FAM135B: variants seen among roughly 807,000 people sequenced by gnomAD.
FAM135B encodes protein FAM135B.
A neutral mutation model predicts 127.7 loss-of-function variants in FAM135B; 43 were observed. The observed-to-expected ratio is 0.34, with a 90% CI of 0.26 to 0.43. FAM135B has a LOEUF of 0.43. Ranked by LOEUF, FAM135B falls within the 20% of genes least tolerant of loss-of-function variation. The pLI is 1.00. For missense variants in FAM135B, 1,558 were observed against 1,725.6 expected (o/e 0.90, Z 1.72); for synonymous variants, 670 against 665.1 (o/e 1.01, Z -0.11).
chr8:138,243,322 T>C lies in FAM135B; in HGVS notation c.543-254A>G, dbSNP rs1052158879. On this transcript the variant is annotated intron_variant, in intron 6 of 19. Transcript: ENST00000395297. The surrounding 1 kb of genome is among the most constrained non-coding windows in gnomAD (Gnocchi z 7.5). ...TGTGCATGTAAATGCCCACCCTAAA[T>C]GCCAACAACATACCTGTAAGAAACA... Among the ~76,000 whole-genome samples the C allele has an allele frequency of 5.3e-5, 8 of 152,172 alleles. No homozygotes were observed. The highest frequency in any genetic ancestry group is 8.8e-5 in the Non-Finnish European group (6 of 68,032).
Position 138,243,059 on chromosome 8 carries a change from A to G in FAM135B, c.552T>C (p.Arg184=), listed in dbSNP as rs377481608. ...ALQQPLISFT[R]PGRGSWLGKG... ...TACCAAGCCAGGAGCCTCTTCCTGGACGAGTAAAACTAAACAAAAGATAAT... is the reference window on the plus strand; with the variant it reads ...TACCAAGCCAGGAGCCTCTTCCTGGGCGAGTAAAACTAAACAAAAGATAAT... Residue 184 remains arginine (R), a synonymous_variant, in exon 7 of 20, where the codon CGT becomes CGC. Coordinates refer to ENST00000395297, the MANE Select transcript of FAM135B (RefSeq NM_015912.4). The surrounding 1 kb of genome is among the most constrained non-coding windows in gnomAD (Gnocchi z 7.5). 72 of 1,606,936 alleles carry G rather than the reference A, an allele frequency of 4.5e-5. No individual in the cohort carries two copies. The highest frequency in any genetic ancestry group is 6.9e-5 in the Admixed American group (4 of 57,860).
chr8:138,358,131 A>G (rs936113139), intron 2 of FAM135B, among the ~76,000 whole-genome samples: 1 of 152,124 alleles, frequency 6.6e-6, no homozygotes, highest in Non-Finnish European at 1.5e-5. Context: ...CATGAAACTT[A>G]TTCACTACCA....
At chr8:138,156,818 C>G (rs1453297876) in intron 12 of FAM135B, among the ~76,000 whole-genome samples, 2 of 152,016 alleles carry the variant, frequency 1.3e-5, no homozygotes, top group Non-Finnish European at 2.9e-5. Flanking sequence ...GCCTACCAAC[C>G]AAAAAAGTCC....
chr8:138,497,612 C>T (rs1194411064), upstream of FAM135B, among the ~76,000 whole-genome samples: 1 of 152,172 alleles, frequency 6.6e-6, no homozygotes, highest in Non-Finnish European at 1.5e-5. Flanking sequence ...GGTAAAAGCG[C>T]TGAGCAACCC....
At chr8:138,373,202 C>T (rs1831254677) in intron 1 of FAM135B, among the ~76,000 whole-genome samples, 1 of 152,078 alleles carries the variant, frequency 6.6e-6, no homozygotes, top group African/African-American at 2.4e-5. Context: ...AAGTCAGGGA[C>T]CCCAAATGGA....
At chr8:138,199,735 A>G (rs1470693078) in intron 7 of FAM135B, among the ~76,000 whole-genome samples, 1 of 152,208 alleles carries the variant, frequency 6.6e-6, no homozygotes, top group Admixed American at 6.5e-5. Flanking sequence ...ACATGGCATG[A>G]GGAGAGAGAA....
At chr8:138,433,815 A>G (rs2131516953) in intron 1 of FAM135B, among the ~76,000 whole-genome samples, 1 of 152,318 alleles carries the variant, frequency 6.6e-6, no homozygotes, top group Admixed American at 6.5e-5. Context: ...GAGAGAAATC[A>G]GAGGTTGGGA....
intron 1 of FAM135B, among the ~76,000 whole-genome samples, chr8:138,371,943 T>A (rs907332310): frequency 6.6e-6 from 1 of 152,184 alleles, no homozygotes; most frequent in African/African-American, 2.4e-5. Flanking sequence ...AAGCACATGA[T>A]GCTTACGAGC....
At chr8:138,441,990 G>C (rs905141058) in intron 1 of FAM135B, among the ~76,000 whole-genome samples, 1 of 151,822 alleles carries the variant, frequency 6.6e-6, no homozygotes, top group African/African-American at 2.4e-5. Flanking sequence ...CACACACCGA[G>C]TGATGCAGAT....
At chr8:138,375,930 G>A (rs184885697) in intron 1 of FAM135B, among the ~76,000 whole-genome samples, 26 of 152,236 alleles carry the variant, frequency 1.7e-4, no homozygotes, top group Admixed American at 1.2e-3. Context: ...GAAGACTGTC[G>A]TCACTTACCC....
chr8:138,300,899 C>T (rs1311136787), intron 3 of FAM135B, among the ~76,000 whole-genome samples: 1 of 151,880 alleles, frequency 6.6e-6, no homozygotes, highest in Non-Finnish European at 1.5e-5. Flanking sequence ...TATAGGCATG[C>T]ACCAACACGC....
At chr8:138,332,710 C>T (rs1026009740) in intron 2 of FAM135B, among the ~76,000 whole-genome samples, 1 of 151,998 alleles carries the variant, frequency 6.6e-6, no homozygotes, top group Non-Finnish European at 1.5e-5. Context: ...GCAGGAAACC[C>T]GGGCAGGATT....
chr8:138,214,012 C>T (rs7464083), intron 7 of FAM135B, among the ~76,000 whole-genome samples: 109,985 of 152,018 alleles, frequency 0.72, 40,001 homozygotes, highest in East Asian at 0.82. Context: ...CCTGTGGTTT[C>T]GTGTTGACCT....
intron 9 of FAM135B, among the ~76,000 whole-genome samples, chr8:138,192,715 A>C (rs1816250437): frequency 6.6e-6 from 1 of 152,194 alleles, no homozygotes; most frequent in South Asian, 2.1e-4. Flanking sequence ...TCAGCAAATT[A>C]TTCTTAAAAA....
chr8:138,475,254 T>C (rs1337308855), intron 1 of FAM135B, among the ~76,000 whole-genome samples: 2 of 152,186 alleles, frequency 1.3e-5, no homozygotes, highest in Non-Finnish European at 2.9e-5. Flanking sequence ...AAGTTGGTTT[T>C]CACACCACCC....
intron 2 of FAM135B, among the ~76,000 whole-genome samples, chr8:138,355,297 C>G (rs984489520): frequency 6.6e-6 from 1 of 152,066 alleles, no homozygotes; most frequent in African/African-American, 2.4e-5. Context: ...CTACTCACAA[C>G]GGCAAAGACT....
chr8:138,413,483 G>T (rs1158571012), intron 1 of FAM135B, among the ~76,000 whole-genome samples: 1 of 152,130 alleles, frequency 6.6e-6, no homozygotes, highest in African/African-American at 2.4e-5. Flanking sequence ...TGAGATCTCA[G>T]AAGAAACTAG....
chr8:138,393,722 C>A (rs1832715073), intron 1 of FAM135B, among the ~76,000 whole-genome samples: 1 of 152,218 alleles, frequency 6.6e-6, no homozygotes, highest in African/African-American at 2.4e-5. Context: ...AGCACCCCCA[C>A]TGTCCTCTGC....
At chr8:138,414,011 T>G (rs1346412702) in intron 1 of FAM135B, among the ~76,000 whole-genome samples, 2 of 151,832 alleles carry the variant, frequency 1.3e-5, no homozygotes, top group Non-Finnish European at 2.9e-5. Flanking sequence ...TGTCCAAAGT[T>G]CTACAACCTT....
Sources: allele counts gnomAD v4.1 joint callset (sites outside exome capture counted in the v4.1 genomes callset), GRCh38; gene constraint gnomAD v4.1.1; non-coding constraint Gnocchi (gnomAD v3.1); transcripts MANE v1.5; gene names NCBI Gene and HGNC (gene_info 2026-07-23, HGNC 2026-07-21).